Variants in KIF22 observed in about 807,000 individuals in gnomAD.
KIF22 encodes the protein kinesin family member 22, also known as kinesin-like protein KIF22.
In KIF22, 62 loss-of-function variants were observed where a neutral mutation model predicts 73.0. The observed-to-expected ratio is 0.85, with a 90% CI of 0.69 to 1.05. KIF22 has a LOEUF of 1.05. KIF22 is among the 50% of genes least tolerant of loss of function. KIF22 has a pLI of 0.00. For missense variants in KIF22, 854 were observed against 870.1 expected, an observed-to-expected ratio of 0.98 and a Z score of 0.23; for synonymous variants, 411 against 340.1, an observed-to-expected ratio of 1.21 and a Z score of -2.29.
At chr16:29,791,779 A>G (rs1454205325) in intron 1 of KIF22, among the ~76,000 whole-genome samples, 18 of 152,152 alleles carry the variant, frequency 1.2e-4, no homozygotes, top group Admixed American at 1.2e-3. Context: ...TTCGCTCTCA[A>G]GGAGTCTGAG....
At chr16:29,803,206 G>A (rs1422432866) in intron 9 of KIF22, among the ~76,000 whole-genome samples, 1 of 152,172 alleles carries the variant, frequency 6.6e-6, no homozygotes, top group African/African-American at 2.4e-5. Context: ...AATTAATTGA[G>A]GACTGTGCTT....
At chr16:29,794,460 G>T (rs1015740663) in intron 1 of KIF22, among the ~76,000 whole-genome samples, 1 of 152,116 alleles carries the variant, frequency 6.6e-6, no homozygotes, top group Non-Finnish European at 1.5e-5. Flanking sequence ...ATTTCCCTAG[G>T]TTACTTAGCT....
intron 9 of KIF22, 61 bp downstream of exon 9, chr16:29,802,998 T>A (rs1899195478): frequency 6.5e-7 from 1 of 1,535,712 alleles, no homozygotes; most frequent in African/African-American, 1.4e-5. Context: ...AATCCTTGGA[T>A]CTTCAGACAG....
Position 29,805,327 on chromosome 16 carries a change from C to G in KIF22, c.*17C>G, listed in dbSNP as rs750100740. On this transcript the variant is annotated 3_prime_UTR_variant, in exon 14 of 14. Coordinates refer to ENST00000160827, the MANE Select transcript of KIF22 (RefSeq NM_007317.3). ...GCCTCCTGACCGTCGTCTCCTCACTCCGCCTTTTCAAATTTTTGTATAACC... is the reference window on the plus strand; with the variant it reads ...GCCTCCTGACCGTCGTCTCCTCACTGCGCCTTTTCAAATTTTTGTATAACC... The G allele has an allele frequency of 6.2e-7, 1 of 1,611,346 alleles. No homozygotes were observed. Among genetic ancestry groups the G allele is most frequent in the Non-Finnish European group, 8.5e-7 (1 of 1,179,660 alleles).
At position 29,802,912 on chromosome 16, in the gene KIF22, TGGAAG is replaced by T. The variant is rs1899191941; in HGVS notation, c.1425_1429del (p.Glu477GlyfsTer5). On this transcript the variant is annotated frameshift_variant, in exon 9 of 14. Coordinates refer to ENST00000160827, the MANE Select transcript of KIF22 (RefSeq NM_007317.3). LOFTEE classifies it high-confidence loss of function. ...GAGCGGATGGTGCTAATGAAGACAG[TGGAAG>T]AGAAGGACCTAGAGATTGAGGTACG... is the stretch of plus-strand genomic sequence containing the variant. 1 of 1,612,594 alleles carries T rather than the reference TGGAAG, an allele frequency of 6.2e-7. No individual in the cohort carries two copies. The highest frequency in any genetic ancestry group is 8.5e-7 in the Non-Finnish European group (1 of 1,179,542).
In KIF22 at chr16:29,799,898, C is replaced by G. The variant is rs747157633; in HGVS notation, c.1145-15C>G. 7.4e-6 allele frequency: 12 copies of G among 1,613,488 alleles called. No individual in the cohort carries two copies. Among genetic ancestry groups the G allele is most frequent in the Admixed American group, 1.7e-5 (1 of 59,950 alleles). The stretch of plus-strand genomic sequence containing the variant: ...CCCCCAATCCCTCTCTCCACCCCAT[C>G]CTCCAATCATCTAGCCTTGGGACCT... On this transcript the variant is annotated splice_polypyrimidine_tract_variant and intron_variant, in intron 7 of 13. Transcript: ENST00000160827.
intron 8 of KIF22, among the ~76,000 whole-genome samples, chr16:29,801,108 C>A: frequency 6.6e-6 from 1 of 152,168 alleles, no homozygotes; most frequent in South Asian, 2.1e-4. Context: ...TCCGGGGAGC[C>A]AGCTGCTGTC....
rs1899351281 is a variant in KIF22 at position 29,805,365 on chromosome 16, A to T, written c.*55A>T. ...TTTTTGTATAACCCCGTGTTGTGTAAATACAGTTTTTGCTCCGGTGCTTCC... is the reference window on the plus strand; with the variant it reads ...TTTTTGTATAACCCCGTGTTGTGTATATACAGTTTTTGCTCCGGTGCTTCC... On this transcript the variant is annotated 3_prime_UTR_variant, in exon 14 of 14. Coordinates refer to ENST00000160827, the MANE Select transcript of KIF22 (RefSeq NM_007317.3). 1 of 1,574,226 alleles carries T rather than the reference A, an allele frequency of 6.4e-7. No individual in the cohort carries two copies. The highest frequency in any genetic ancestry group is 8.7e-7 in the Non-Finnish European group (1 of 1,153,364).
At chr16:29,803,868 T>C in intron 10 of KIF22, 130 bp from the exon 11 acceptor site, 2 of 752,806 alleles carry the variant, frequency 2.7e-6, no homozygotes, top group Non-Finnish European at 4.6e-6. Flanking sequence ...AAAAAGGTCA[T>C]GTGGAAACAC....
Position 29,804,840 on chromosome 16 carries a change from T to G in KIF22, c.1704T>G (p.Pro568=). 4 of 1,612,496 alleles carry G rather than the reference T, an allele frequency of 2.5e-6. No homozygotes were observed. The highest frequency in any genetic ancestry group is 3.4e-6 in the Non-Finnish European group (4 of 1,179,476). Residue 568 remains proline, a synonymous_variant, in exon 12 of 14, where the codon CCT becomes CCG. Transcript: ENST00000160827. Reference sequence around the variant, plus strand: ...TGGAGTCCCTGGATGCCCTAGAGCCTGAGGAGAAGGCTGAGGACTGCTGGG... The same window carrying G: ...TGGAGTCCCTGGATGCCCTAGAGCCGGAGGAGAAGGCTGAGGACTGCTGGG... ...RKLESLDALE[P]EEKAEDCWEL...
rs1238919956 is a variant in KIF22 at position 29,796,970 on chromosome 16, C to T, written c.148C>T (p.Leu50=). 3.7e-6 allele frequency: 6 copies of T among 1,614,210 alleles called. No individual in the cohort carries two copies. Among genetic ancestry groups the T allele is most frequent in the Non-Finnish European group, 4.2e-6 (5 of 1,180,022 alleles). ...AGCTCGCGTAAGGGTGGCTGTGCGA[C>T]TGCGGCCATTTGTGGATGGAACAGC... ...PPARVRVAVR[L]RPFVDGTAGA... Residue 50 remains leucine, a synonymous_variant, in exon 2 of 14, where the codon CTG becomes TTG. Coordinates refer to ENST00000160827, the MANE Select transcript of KIF22 (RefSeq NM_007317.3).
chr16:29,799,097 C>T lies in KIF22; in HGVS notation c.672C>T (p.His224=), dbSNP rs2142373082. The change falls in exon 5 of 14, where the codon CAC becomes CAT. Residue 224 remains histidine, a synonymous_variant. Transcript: ENST00000160827. ...GTAGCTTTGCTGATTTTGAGCGGCACTTCCTGCCAGCCAGTCGAAATCGGA... is the reference window on the plus strand; with the variant it reads ...GTAGCTTTGCTGATTTTGAGCGGCATTTCCTGCCAGCCAGTCGAAATCGGA... The part of the protein sequence containing the change: ...PISSFADFER[H]FLPASRNRTV... 1.2e-6 allele frequency: 2 copies of T among 1,614,170 alleles called. No homozygotes were observed. Among genetic ancestry groups the T allele is most frequent in the South Asian group, 2.2e-5 (2 of 91,086 alleles).
At chr16:29,805,228 C>T (rs752709753) in intron 13 of KIF22, 35 bp from the exon 14 acceptor site, 1 of 1,614,072 alleles carries the variant, frequency 6.2e-7, no homozygotes, top group Non-Finnish European at 8.5e-7. Context: ...GCGCCCCTCT[C>T]TAACGTCGCT....
In KIF22 at chr16:29,804,960, G is replaced by A; in HGVS notation, c.1824G>A (p.Gln608=). The A allele has an allele frequency of 6.2e-7, 1 of 1,612,996 alleles. No individual in the cohort carries two copies. Among genetic ancestry groups the A allele is most frequent in the Non-Finnish European group, 8.5e-7 (1 of 1,179,744 alleles). ...EGSARDLRSL[Q]RIGPKKAQLI... Reference sequence around the variant, plus strand: ...CAGCCCGAGATCTCCGCAGTCTTCAGCGCATTGGCCCGAAGAAGGCCCAGC... The same window carrying A: ...CAGCCCGAGATCTCCGCAGTCTTCAACGCATTGGCCCGAAGAAGGCCCAGC... The change falls in exon 12 of 14, where the codon CAG becomes CAA. Residue 608 remains glutamine, a synonymous_variant. Transcript: ENST00000160827.
chr16:29,799,674 C>T lies in KIF22; in HGVS notation c.1037C>T (p.Ala346Val), dbSNP rs935775550. The change falls in exon 7 of 14, where the codon GCC (alanine) becomes GTC (valine). Residue 346 changes from alanine (A) to valine (V), a missense_variant. By Grantham distance (64) the Ala-to-Val change is moderately conservative. Coordinates refer to ENST00000160827, the MANE Select transcript of KIF22 (RefSeq NM_007317.3). ...CACAGTATCCTTATTGCCAACATTG[C>T]CCCTGAGAGACGCTTCTACCTAGAC... The part of the protein sequence containing the change: ...SAHSILIANI[A>V]PERRFYLDTV... 6.2e-6 allele frequency: 10 copies of T among 1,613,866 alleles called. No individual in the cohort carries two copies. The highest frequency in any genetic ancestry group is 1.3e-5 in the African/African-American group (1 of 74,886).
chr16:29,798,690 G>A lies in KIF22; in HGVS notation c.492G>A (p.Glu164=). 6.2e-7 allele frequency: 1 copy of A among 1,614,212 alleles called. No individual in the cohort carries two copies. Among genetic ancestry groups the A allele is most frequent in the African/African-American group, 1.3e-5 (1 of 75,048 alleles). Residue 164 remains glutamate (E), a synonymous_variant, in exon 4 of 14, where the codon GAG becomes GAA. Coordinates refer to ENST00000160827, the MANE Select transcript of KIF22 (RefSeq NM_007317.3). This position sits in a 1 kb window ranked among gnomAD's most constrained non-coding sequence, Gnocchi z 4.1. The stretch of plus-strand genomic sequence containing the variant: ...AGCTCACAAGGGAGGAGGGTGCCGA[G>A]GGCCGGCCATGGGCCCTTTCTGTCA... ...LLQLTREEGA[E]GRPWALSVTM... is the part of the protein sequence containing the mutation.
Position 29,802,854 on chromosome 16 carries a change from CA to C in KIF22, c.1367del (p.Gln456ArgfsTer6). ...CCGTCTGCTTGCCTCCCAGGGGAGCCAGGGGGCCCCTCTGTTGAGTACCCCA... is the reference window on the plus strand; with the variant it reads ...CCGTCTGCTTGCCTCCCAGGGGAGCCGGGGGCCCCTCTGTTGAGTACCCCA... ...LDRLLASQGS[Q>X]GAPLLSTPKR... On this transcript the variant is annotated frameshift_variant, in exon 9 of 14. Coordinates refer to ENST00000160827, the MANE Select transcript of KIF22 (RefSeq NM_007317.3). LOFTEE classifies it high-confidence loss of function. The C allele has an allele frequency of 1.2e-6, 2 of 1,611,454 alleles. No individual in the cohort carries two copies. Among genetic ancestry groups the C allele is most frequent in the Non-Finnish European group, 1.7e-6 (2 of 1,179,040 alleles).
At chr16:29,800,821 C>T (rs1247358429) in intron 8 of KIF22, among the ~76,000 whole-genome samples, 4 of 152,138 alleles carry the variant, frequency 2.6e-5, no homozygotes, top group Admixed American at 2.0e-4. Flanking sequence ...CATTGAATCA[C>T]TAAAGTCTAA....
At chr16:29,801,249 G>T (rs1321116228) in intron 8 of KIF22, among the ~76,000 whole-genome samples, 1 of 152,160 alleles carries the variant, frequency 6.6e-6, no homozygotes, top group Non-Finnish European at 1.5e-5. Context: ...CTGTTCAGGG[G>T]TCTTGCTTTC....
Sources: gnomAD v4.1 joint callset for allele counts (sites outside exome capture counted in the v4.1 genomes callset) on GRCh38, gnomAD v4.1.1 for gene constraint, Gnocchi (gnomAD v3.1) non-coding constraint, MANE v1.5 for transcripts, NCBI Gene and HGNC (gene_info 2026-07-23, HGNC 2026-07-21) for gene names.